SUGCT: variants seen among roughly 807,000 people sequenced by gnomAD.
SUGCT encodes the protein succinyl-CoA:glutarate CoA-transferase.
A neutral mutation model predicts 55.0 loss-of-function variants in SUGCT; 41 were observed. That is an observed-to-expected ratio of 0.74 (90% CI 0.58 to 0.97). The LOEUF (loss-of-function observed/expected upper bound fraction) is 0.97. Among genes scored for constraint, SUGCT ranks in the 50% least tolerant of loss-of-function variants. The pLI is 0.00. For missense variants in SUGCT, 568 were observed against 547.8 expected, an observed-to-expected ratio of 1.04 and a Z score of -0.37; for synonymous variants, 187 against 200.4, an observed-to-expected ratio of 0.93 and a Z score of 0.56.
intron 12 of SUGCT, among the ~76,000 whole-genome samples, chr7:40,740,985 C>A (rs1406658826): frequency 1.3e-5 from 2 of 152,022 alleles, no homozygotes; most frequent in African/African-American, 4.8e-5. Flanking sequence ...GTAAAAAACT[C>A]ATACATGATA....
intron 7 of SUGCT, among the ~76,000 whole-genome samples, chr7:40,246,643 C>T (rs1490338313): frequency 2.0e-5 from 3 of 148,362 alleles, no homozygotes; most frequent in Admixed American, 1.4e-4. Flanking sequence ...GTTGCCCAGA[C>T]TGGAGTGCAG....
At chr7:40,843,073 G>C (rs146376969) in intron 13 of SUGCT, among the ~76,000 whole-genome samples, 1 of 152,268 alleles carries the variant, frequency 6.6e-6, no homozygotes, top group Non-Finnish European at 1.5e-5. Context: ...GAAATACAAA[G>C]ATCTCTACCA....
chr7:40,867,097 C>A, the SUGCT span, among the ~76,000 whole-genome samples: 1 of 150,008 alleles, frequency 6.7e-6, no homozygotes, highest in Admixed American at 6.7e-5. Context: ...ATTTACAAGA[C>A]GCATCCATGT....
chr7:40,898,430 C>G, the SUGCT span, among the ~76,000 whole-genome samples: 2 of 127,262 alleles, frequency 1.6e-5, no homozygotes, highest in Non-Finnish European at 3.1e-5. Context: ...AACTGTAACA[C>G]TCGGCAGGGC....
At chr7:40,453,241 A>C (rs751278219) in intron 10 of SUGCT, among the ~76,000 whole-genome samples, 1 of 152,170 alleles carries the variant, frequency 6.6e-6, no homozygotes, top group Non-Finnish European at 1.5e-5. Flanking sequence ...AACTTTCTTC[A>C]TTGCTGAGCT....
intron 12 of SUGCT, among the ~76,000 whole-genome samples, chr7:40,636,659 G>A (rs115777021): frequency 6.6e-6 from 1 of 152,288 alleles, no homozygotes; most frequent in African/African-American, 2.4e-5. Flanking sequence ...TATGGGTACA[G>A]AGTTTCTATT....
At chr7:40,214,668 C>A (rs1787521952) in intron 6 of SUGCT, among the ~76,000 whole-genome samples, 1 of 151,970 alleles carries the variant, frequency 6.6e-6, no homozygotes, top group Non-Finnish European at 1.5e-5. Flanking sequence ...GTAATCCGAG[C>A]ACTTTGGGAG....
chr7:40,772,394 G>A (rs1789151277), intron 13 of SUGCT, among the ~76,000 whole-genome samples: 1 of 152,194 alleles, frequency 6.6e-6, no homozygotes, highest in Non-Finnish European at 1.5e-5. Context: ...CCATGTTTGA[G>A]CTCACAAGCA....
chr7:40,814,951 T>A (rs1331047028), intron 13 of SUGCT, among the ~76,000 whole-genome samples: 1 of 152,220 alleles, frequency 6.6e-6, no homozygotes, highest in Non-Finnish European at 1.5e-5. Flanking sequence ...TAGGGTCTTT[T>A]GGCTTTGTTT....
intron 12 of SUGCT, among the ~76,000 whole-genome samples, chr7:40,583,996 T>A (rs1797240655): frequency 6.6e-6 from 1 of 152,110 alleles, no homozygotes; most frequent in Non-Finnish European, 1.5e-5. Flanking sequence ...GTTGGTGGAG[T>A]TGAATTCTAC....
chr7:40,216,421 GCCC>G (rs1200396121), intron 6 of SUGCT, among the ~76,000 whole-genome samples: 1 of 149,242 alleles, frequency 6.7e-6, no homozygotes, highest in Non-Finnish European at 1.5e-5. Flanking sequence ...AATCCCTTGA[GCCC>G]GGGAGGAGGA....
At chr7:41,024,489 C>T in the SUGCT span, among the ~76,000 whole-genome samples, 2 of 152,146 alleles carry the variant, frequency 1.3e-5, no homozygotes, top group East Asian at 3.9e-4. Flanking sequence ...AGCGCTTTCT[C>T]ATAAAAGCAT....
chr7:40,195,708 CTTTTTTTTTTT>C (rs928397687), intron 6 of SUGCT, among the ~76,000 whole-genome samples: 14 of 69,420 alleles, frequency 2.0e-4, no homozygotes, highest in South Asian at 1.2e-3. Flanking sequence ...GAAAACAATT[CTTTTTTTTTTT>C]TTTTTTTTTT....
At chr7:40,820,592 T>C (rs1445422179) in intron 13 of SUGCT, among the ~76,000 whole-genome samples, 3 of 152,222 alleles carry the variant, frequency 2.0e-5, no homozygotes, top group East Asian at 1.9e-4. Context: ...ATAGGAATGC[T>C]TGTGATTTTT....
the SUGCT span, among the ~76,000 whole-genome samples, chr7:40,996,410 G>A: frequency 6.6e-6 from 1 of 152,214 alleles, no homozygotes; most frequent in Non-Finnish European, 1.5e-5. Context: ...AGTTGGAGCA[G>A]TGAGATTTGA....
At chr7:40,981,029 C>T in the SUGCT span, among the ~76,000 whole-genome samples, 1 of 152,128 alleles carries the variant, frequency 6.6e-6, no homozygotes, top group Non-Finnish European at 1.5e-5. Context: ...GAATAATCCT[C>T]TTTGGTTTGC....
intron 12 of SUGCT, among the ~76,000 whole-genome samples, chr7:40,674,228 C>T (rs749479151): frequency 2.0e-4 from 31 of 152,166 alleles, no homozygotes; most frequent in Non-Finnish European, 4.4e-5. Flanking sequence ...GAGACTTTTA[C>T]TATAGGATAC....
chr7:40,310,144 G>A (rs893451660), intron 8 of SUGCT, among the ~76,000 whole-genome samples: 1 of 152,136 alleles, frequency 6.6e-6, no homozygotes, highest in African/African-American at 2.4e-5. Flanking sequence ...CACTACCTCA[G>A]CCAGGTGATC....
chr7:40,850,964 T>C (rs919852313), intron 13 of SUGCT, among the ~76,000 whole-genome samples: 3 of 152,222 alleles, frequency 2.0e-5, no homozygotes, highest in Non-Finnish European at 4.4e-5. Flanking sequence ...ACTGTGTGCC[T>C]GGTACTGTTC....
Sources: allele counts gnomAD v4.1 joint callset (sites outside exome capture counted in the v4.1 genomes callset), GRCh38; gene constraint gnomAD v4.1.1; transcripts MANE v1.5; gene names NCBI Gene and HGNC (gene_info 2026-07-23, HGNC 2026-07-21).